EPHA6: variants seen among roughly 807,000 people sequenced by gnomAD.
The protein encoded by EPHA6 is EPH receptor A6, also known as ephrin type-A receptor 6.
EPHA6 carries 50 observed loss-of-function variants against 112.0 expected under a neutral mutation model. That is an observed-to-expected ratio of 0.45 (90% confidence interval 0.36 to 0.56). EPHA6 has a LOEUF of 0.56. EPHA6 is among the 20% of genes least tolerant of loss of function. The pLI is 0.00. For missense variants in EPHA6, 1,280 were observed against 1,417.4 expected (o/e 0.90, Z 1.56); for synonymous variants, 529 against 490.7 (o/e 1.08, Z -1.03).
intron 5 of EPHA6, among the ~76,000 whole-genome samples, chr3:97,283,724 G>A (rs1357681036): frequency 6.6e-6 from 1 of 151,984 alleles, no homozygotes; most frequent in African/African-American, 2.4e-5. Flanking sequence ...GTATACCTAT[G>A]TAACAAACCT....
chr3:97,342,450 G>C (rs2083352885), intron 5 of EPHA6, among the ~76,000 whole-genome samples: 1 of 152,126 alleles, frequency 6.6e-6, no homozygotes, highest in Non-Finnish European at 1.5e-5. Context: ...TTTGATTTTT[G>C]CCTGTATACT....
At chr3:97,490,167 G>A (rs951263483) in intron 10 of EPHA6, among the ~76,000 whole-genome samples, 1 of 152,058 alleles carries the variant, frequency 6.6e-6, no homozygotes, top group Non-Finnish European at 1.5e-5. Flanking sequence ...TCTAAGTAAT[G>A]ATTTTACGTG....
intron 10 of EPHA6, among the ~76,000 whole-genome samples, chr3:97,489,456 C>A (rs911146396): frequency 6.6e-6 from 1 of 152,104 alleles, no homozygotes; most frequent in Non-Finnish European, 1.5e-5. Flanking sequence ...GAGGCCCAGG[C>A]GGGTGGATCA....
intron 11 of EPHA6, among the ~76,000 whole-genome samples, chr3:97,574,953 A>G (rs1181477935): frequency 1.3e-5 from 2 of 152,174 alleles, no homozygotes; most frequent in South Asian, 2.1e-4. Flanking sequence ...TGCAAGCCCA[A>G]ACCTCTACAT....
intron 1 of EPHA6, among the ~76,000 whole-genome samples, chr3:96,837,352 G>C (rs1411871272): frequency 1.3e-5 from 2 of 152,098 alleles, no homozygotes; most frequent in Non-Finnish European, 2.9e-5. Context: ...GCATAGAGGG[G>C]TCAGCAAGGC....
At chr3:97,648,240 T>G in intron 14 of EPHA6, 1 of 789,302 alleles carries the variant, frequency 1.3e-6, no homozygotes, top group East Asian at 2.5e-5. Flanking sequence ...ATCTGCATAA[T>G]TACAGTTCTG....
chr3:97,256,599 GC>G, intron 5 of EPHA6, among the ~76,000 whole-genome samples: 1 of 151,938 alleles, frequency 6.6e-6, no homozygotes, highest in South Asian at 2.1e-4. Flanking sequence ...GCATAAAAGA[GC>G]TTTATTTAAT....
At chr3:97,710,547 A>G (rs1326173252) in intron 14 of EPHA6, among the ~76,000 whole-genome samples, 2 of 152,232 alleles carry the variant, frequency 1.3e-5, no homozygotes, top group Non-Finnish European at 2.9e-5. Flanking sequence ...TTCCTTAGAC[A>G]GAAGTGAAGG....
chr3:96,848,164 G>A (rs767679533), intron 1 of EPHA6, among the ~76,000 whole-genome samples: 6 of 151,876 alleles, frequency 4.0e-5, no homozygotes, highest in Non-Finnish European at 8.8e-5. Flanking sequence ...TAATATGCTT[G>A]TTTTACTTAG....
intron 5 of EPHA6, among the ~76,000 whole-genome samples, chr3:97,337,458 C>T (rs191837940): frequency 6.6e-6 from 1 of 152,252 alleles, no homozygotes; most frequent in East Asian, 1.9e-4. Context: ...CCTTACTCCC[C>T]ATTTCACTAG....
At chr3:96,961,260 T>C (rs1326032922) in intron 2 of EPHA6, among the ~76,000 whole-genome samples, 1 of 152,216 alleles carries the variant, frequency 6.6e-6, no homozygotes, top group Non-Finnish European at 1.5e-5. Context: ...GGGGCTCAAG[T>C]TCTCAAATGT....
At chr3:97,315,709 C>G (rs1434039353) in intron 5 of EPHA6, among the ~76,000 whole-genome samples, 1 of 151,676 alleles carries the variant, frequency 6.6e-6, no homozygotes, top group Non-Finnish European at 1.5e-5. Context: ...CTATTCAAAA[C>G]ATAAAAAAGC....
At chr3:97,222,858 A>G (rs909144858) in intron 3 of EPHA6, among the ~76,000 whole-genome samples, 2 of 152,222 alleles carry the variant, frequency 1.3e-5, no homozygotes, top group Non-Finnish European at 2.9e-5. Context: ...ACAGGTAATT[A>G]CCAAGGCTAA....
At chr3:97,612,397 A>G in intron 13 of EPHA6, 1 of 426,824 alleles carries the variant, frequency 2.3e-6, no homozygotes, top group Non-Finnish European at 4.7e-6. Context: ...AAAGCAGAAT[A>G]TAATGGCAAA....
At chr3:97,543,440 T>C (rs1459814633) in intron 11 of EPHA6, among the ~76,000 whole-genome samples, 1 of 152,202 alleles carries the variant, frequency 6.6e-6, no homozygotes, top group Non-Finnish European at 1.5e-5. Flanking sequence ...CTCTGTTCTG[T>C]TCCATTGGTC....
At chr3:97,532,722 C>T (rs930767686) in intron 11 of EPHA6, among the ~76,000 whole-genome samples, 179 bp downstream of exon 11, 10 of 151,964 alleles carry the variant, frequency 6.6e-5, no homozygotes, top group African/African-American at 2.4e-4. Flanking sequence ...GCATTGGTCA[C>T]CAAACAGCTT....
At chr3:97,261,893 C>T (rs1452329936) in intron 5 of EPHA6, among the ~76,000 whole-genome samples, 1 of 152,094 alleles carries the variant, frequency 6.6e-6, no homozygotes, top group African/African-American at 2.4e-5. Context: ...ATAGTTAATA[C>T]ATGGACAAAT....
chr3:96,912,804 C>G (rs2039284517), intron 2 of EPHA6, among the ~76,000 whole-genome samples: 2 of 152,070 alleles, frequency 1.3e-5, no homozygotes, highest in South Asian at 4.1e-4. Context: ...GTTGCACAGG[C>G]TGGTTTTCAA....
chr3:96,918,642 TG>T (rs2039604350), intron 2 of EPHA6, among the ~76,000 whole-genome samples: 1 of 152,070 alleles, frequency 6.6e-6, no homozygotes, highest in South Asian at 2.1e-4. Context: ...AATTTATAGT[TG>T]GTTTTAATGT....
Sources: allele counts gnomAD v4.1 joint callset (sites outside exome capture counted in the v4.1 genomes callset), GRCh38; gene constraint gnomAD v4.1.1; transcripts MANE v1.5; gene names NCBI Gene and HGNC (gene_info 2026-07-23, HGNC 2026-07-21).